NRXN1: variants seen among roughly 807,000 people sequenced by gnomAD.
NRXN1 encodes neurexin 1, also known as neurexin-1.
NRXN1 carries 39 observed loss-of-function variants against 150.9 expected under a neutral mutation model. That is an observed-to-expected ratio of 0.26 (90% CI 0.20 to 0.34). NRXN1 has a LOEUF of 0.34. Among genes scored for constraint, NRXN1 ranks in the 10% least tolerant of loss-of-function variants. The pLI, the probability that NRXN1 is intolerant of heterozygous loss-of-function variation, is 1.00. For synonymous variants in NRXN1, 924 were observed against 757.0 expected (o/e 1.22, Z -3.62); for missense variants, 1,815 against 1,949.9 (o/e 0.93, Z 1.30).
chr2:50,771,786 G>A (rs1357270998), intron 5 of NRXN1, among the ~76,000 whole-genome samples: 3 of 152,052 alleles, frequency 2.0e-5, no homozygotes, highest in Non-Finnish European at 2.9e-5. Context: ...TGAACCTAGG[G>A]ACACACTGAT....
At chr2:50,750,377 T>C (rs993270280) in intron 5 of NRXN1, among the ~76,000 whole-genome samples, 25 of 152,014 alleles carry the variant, frequency 1.6e-4, no homozygotes, top group African/African-American at 6.0e-4. Context: ...AAAACCTGAC[T>C]ACAATTTTCT....
chr2:50,996,631 G>C (rs1558848), intron 2 of NRXN1, among the ~76,000 whole-genome samples: 27,603 of 151,850 alleles, frequency 0.18, 3,042 homozygotes, highest in East Asian at 0.4. Context: ...CAGGATTCTA[G>C]AGCTACAAGA....
intron 17 of NRXN1, among the ~76,000 whole-genome samples, chr2:50,419,946 T>C (rs906147408): frequency 6.6e-6 from 1 of 152,030 alleles, no homozygotes; most frequent in Non-Finnish European, 1.5e-5. Flanking sequence ...TACATCTGAA[T>C]GCATGGCTAA....
intron 5 of NRXN1, among the ~76,000 whole-genome samples, chr2:50,872,946 A>G (rs1437993789): frequency 6.6e-6 from 1 of 151,850 alleles, no homozygotes; most frequent in Non-Finnish European, 1.5e-5. Flanking sequence ...GGCTGCAGTG[A>G]GCTATGATTG....
intron 17 of NRXN1, among the ~76,000 whole-genome samples, chr2:50,260,511 C>A (rs145966738): frequency 2.6e-5 from 4 of 151,508 alleles, no homozygotes; most frequent in Admixed American, 6.6e-5. Flanking sequence ...TACAACCACA[C>A]TCCTCAGAGG....
intron 8 of NRXN1, among the ~76,000 whole-genome samples, chr2:50,618,086 G>A (rs954460314): frequency 3.3e-5 from 5 of 152,020 alleles, no homozygotes; most frequent in Non-Finnish European, 5.9e-5. Context: ...TCCAATCTAA[G>A]CAGGATTACT....
At chr2:50,277,382 G>GTCCTTCCTTTCTTCCTTCCTTCCT in intron 17 of NRXN1, among the ~76,000 whole-genome samples, 1 of 132,158 alleles carries the variant, frequency 7.6e-6, no homozygotes, top group East Asian at 2.3e-4. Flanking sequence ...AAAAAGGTCC[G>GTCCTTCCTTTCTTCCTTCCTTCCT]TCCTTCCTTC....
intron 19 of NRXN1, among the ~76,000 whole-genome samples, chr2:50,085,136 C>T (rs1329833155): frequency 6.6e-6 from 1 of 152,070 alleles, no homozygotes; most frequent in Non-Finnish European, 1.5e-5. Flanking sequence ...TAATGATTTC[C>T]AATGGAAACC....
intron 19 of NRXN1, among the ~76,000 whole-genome samples, chr2:50,074,882 A>T (rs1277137942): frequency 6.6e-6 from 1 of 152,194 alleles, no homozygotes; most frequent in Non-Finnish European, 1.5e-5. Context: ...GCTATACATG[A>T]AATACCTTAA....
intron 5 of NRXN1, among the ~76,000 whole-genome samples, chr2:50,911,240 G>A (rs1684473782): frequency 6.6e-6 from 1 of 151,844 alleles, no homozygotes; most frequent in Non-Finnish European, 1.5e-5. Flanking sequence ...TCTACTTGGA[G>A]AAATGAGTAA....
At chr2:50,598,718 A>G (rs1007742957) in intron 8 of NRXN1, among the ~76,000 whole-genome samples, 31 of 146,886 alleles carry the variant, frequency 2.1e-4, no homozygotes, top group African/African-American at 6.7e-4. Flanking sequence ...ATATATATGT[A>G]TATATACACA....
At chr2:50,797,144 T>G (rs981363097) in intron 5 of NRXN1, among the ~76,000 whole-genome samples, 1 of 152,224 alleles carries the variant, frequency 6.6e-6, no homozygotes, top group Non-Finnish European at 1.5e-5. Flanking sequence ...ATATGAATTT[T>G]GGAACAATAT....
At chr2:50,892,719 T>C (rs745958160) in intron 5 of NRXN1, among the ~76,000 whole-genome samples, 2 of 152,208 alleles carry the variant, frequency 1.3e-5, no homozygotes, top group Non-Finnish European at 2.9e-5. Context: ...ACTTTAAACA[T>C]ACATGGCATA....
intron 21 of NRXN1, among the ~76,000 whole-genome samples, chr2:50,021,919 C>T (rs1052375827): frequency 3.3e-5 from 5 of 152,172 alleles, no homozygotes; most frequent in African/African-American, 7.2e-5. Flanking sequence ...GGCACGATCT[C>T]GGCTCACTGC....
intron 22 of NRXN1, among the ~76,000 whole-genome samples, chr2:49,930,738 A>G (rs1350217750): frequency 6.6e-6 from 1 of 152,208 alleles, no homozygotes; most frequent in African/African-American, 2.4e-5. Flanking sequence ...ACTCTAATGA[A>G]GATTGAACAC....
At chr2:50,616,157 C>T (rs1024113856) in intron 8 of NRXN1, 3 of 151,718 alleles carry the variant, frequency 2.0e-5, no homozygotes, top group East Asian at 1.9e-4. Flanking sequence ...CTTTGATTTA[C>T]TTGTGATGAA....
chr2:50,165,832 C>G (rs11125295), intron 18 of NRXN1, among the ~76,000 whole-genome samples: 26,467 of 152,124 alleles, frequency 0.17, 2,790 homozygotes, highest in East Asian at 0.42. Context: ...ATATTACATT[C>G]AACTTCACTG....
intron 5 of NRXN1, among the ~76,000 whole-genome samples, chr2:50,894,484 C>T (rs1681610362): frequency 1.3e-5 from 2 of 151,646 alleles, no homozygotes; most frequent in South Asian, 4.1e-4. Context: ...TCCTATTTTC[C>T]CCATGTTTTT....
At chr2:50,559,925 T>C (rs1014422409) in intron 8 of NRXN1, among the ~76,000 whole-genome samples, 1 of 152,182 alleles carries the variant, frequency 6.6e-6, no homozygotes, top group African/African-American at 2.4e-5. Context: ...AAAAGCAAAT[T>C]TTAGCACATA....
Sources: gnomAD v4.1 joint callset for allele counts (sites outside exome capture counted in the v4.1 genomes callset) on GRCh38, gnomAD v4.1.1 for gene constraint, MANE v1.5 for transcripts, NCBI Gene and HGNC (gene_info 2026-07-23, HGNC 2026-07-21) for gene names.